RCOR1: variants seen among roughly 807,000 people sequenced by gnomAD.
RCOR1 encodes the protein REST corepressor.
In RCOR1, 12 loss-of-function variants were observed where a neutral mutation model predicts 64.0. The observed-to-expected ratio is 0.19, with a 90% CI of 0.12 to 0.30. The LOEUF is 0.30. Ranked by LOEUF, RCOR1 falls within the 10% of genes least tolerant of loss-of-function variation. RCOR1 has a pLI of 1.00. For synonymous variants in RCOR1, 279 were observed against 227.2 expected, an observed-to-expected ratio of 1.23 and a Z score of -2.05; for missense variants, 502 against 621.2, an observed-to-expected ratio of 0.81 and a Z score of 2.04.
intron 2 of RCOR1, among the ~76,000 whole-genome samples, chr14:102,594,495 T>C (rs1390980176): frequency 6.6e-6 from 1 of 152,142 alleles, no homozygotes; most frequent in African/African-American, 2.4e-5. Context: ...TACATAGAGG[T>C]CCTAGGTGAG....
intron 8 of RCOR1, among the ~76,000 whole-genome samples, chr14:102,718,584 G>A (rs1448386360): frequency 6.6e-6 from 1 of 152,090 alleles, no homozygotes; most frequent in Admixed American, 6.6e-5. Context: ...ACTGAGGGTT[G>A]GGTGGGAGGG....
rs138047669 is a variant in RCOR1 at position 102,728,067 on chromosome 14, T to A, written c.*1561T>A. ...TGCAATTAAAGTTTGATATGTTTTGTCTCCCAAGCACCTTGTTTTTTGTTG... is the reference window on the plus strand; with the variant it reads ...TGCAATTAAAGTTTGATATGTTTTGACTCCCAAGCACCTTGTTTTTTGTTG... On this transcript the variant is annotated 3_prime_UTR_variant, in exon 12 of 12. Coordinates refer to ENST00000262241, the MANE Select transcript of RCOR1 (RefSeq NM_015156.4). The A allele has an allele frequency of 0.01, 1,556 of 152,754 alleles. 16 individuals carry two copies. The highest frequency in any genetic ancestry group is 0.015 in the Admixed American group (235 of 15,294). The allele number at this position is 152,754 out of a possible 1,614,324, so 9.5% of individuals were successfully genotyped here. A position where few individuals can be genotyped will look rare whatever the true frequency, so the allele number is the denominator to read the frequency against.
intron 2 of RCOR1, among the ~76,000 whole-genome samples, chr14:102,654,242 C>T (rs977877011): frequency 9.2e-5 from 14 of 151,992 alleles, no homozygotes; most frequent in African/African-American, 3.4e-4. Flanking sequence ...CCGCCTCAGC[C>T]TCCCAAAGTG....
At chr14:102,726,318 C>A in intron 11 of RCOR1, 150 bp from the exon 12 acceptor site, 1 of 690,478 alleles carries the variant, frequency 1.4e-6, no homozygotes, top group Non-Finnish European at 2.4e-6. Flanking sequence ...AGAGTGAGAC[C>A]TGTCTCCCCT....
At position 102,592,718 on chromosome 14, in the gene RCOR1, G is replaced by A. The variant is rs1348806649; in HGVS notation, c.-169G>A. 8.2e-7 allele frequency: 1 copy of A among 1,225,858 alleles called. No individual in the cohort carries two copies. The highest frequency in any genetic ancestry group is 1.0e-6 in the Non-Finnish European group (1 of 984,244). The allele number at this position is 1,225,858 out of a possible 1,614,324, so 75.9% of individuals were successfully genotyped here. On this transcript the variant is annotated 5_prime_UTR_variant, in exon 1 of 12. Coordinates refer to ENST00000262241, the MANE Select transcript of RCOR1 (RefSeq NM_015156.4). ...CGGCTCGTCGCTGGGGGCTTGAAGC[G>A]GCTCCGCGCTCTGCCCGTTTGGGCC...
chr14:102,687,048 T>G (rs759718735), intron 3 of RCOR1, among the ~76,000 whole-genome samples: 1 of 152,266 alleles, frequency 6.6e-6, no homozygotes, highest in African/African-American at 2.4e-5. Flanking sequence ...GGTAACAAGT[T>G]CTGTCCAAAA....
chr14:102,709,231 A>G (rs1158012952), intron 6 of RCOR1, among the ~76,000 whole-genome samples: 1 of 152,178 alleles, frequency 6.6e-6, no homozygotes, highest in African/African-American at 2.4e-5. Flanking sequence ...ATTTTTTAAA[A>G]TGTGTAAAAT....
At chr14:102,624,680 C>T (rs1893946113) in intron 2 of RCOR1, among the ~76,000 whole-genome samples, 1 of 151,472 alleles carries the variant, frequency 6.6e-6, no homozygotes, top group African/African-American at 2.4e-5. Context: ...GTAGGAGGAA[C>T]ACTTGAGCCT....
At chr14:102,641,226 G>A (rs995130541) in intron 2 of RCOR1, among the ~76,000 whole-genome samples, 4 of 152,116 alleles carry the variant, frequency 2.6e-5, no homozygotes, top group African/African-American at 9.7e-5. Context: ...CTGCACTCCA[G>A]CCTTGCGGCA....
chr14:102,611,127 T>C lies in RCOR1; in HGVS notation c.361+17802T>C, dbSNP rs559726513. On this transcript the variant is annotated intron_variant, in intron 2 of 11. Transcript: ENST00000262241. ...TCTTGTTGCCCAGACTGGAGTGGAA[T>C]GGTGTGATCTTGGCTCACTGCAGCC... Among the ~76,000 whole-genome samples the C allele has an allele frequency of 1.1e-4, 16 of 152,246 alleles. 1 individual carries two copies. In the South Asian group the frequency reaches 3.3e-3, roughly 32 times the overall value.
chr14:102,599,107 AAATG>A (rs1893330395), intron 2 of RCOR1, among the ~76,000 whole-genome samples: 1 of 152,078 alleles, frequency 6.6e-6, no homozygotes, highest in Non-Finnish European at 1.5e-5. Flanking sequence ...ACTTATTTTG[AAATG>A]AATAATGTTT....
intron 2 of RCOR1, among the ~76,000 whole-genome samples, chr14:102,665,328 TTTAAATA>T (rs1567428146): frequency 6.7e-6 from 1 of 150,346 alleles, no homozygotes; most frequent in African/African-American, 2.5e-5. Context: ...TTTTTTTTTT[TTTAAATA>T]AAATAGGCTT....
At chr14:102,697,748 T>G (rs1357227101) in intron 3 of RCOR1, among the ~76,000 whole-genome samples, 1 of 148,888 alleles carries the variant, frequency 6.7e-6, no homozygotes, top group Non-Finnish European at 1.5e-5. Flanking sequence ...TTGGACAGGG[T>G]CTCGCTCTGT....
At chr14:102,603,169 T>G (rs1323170416) in intron 2 of RCOR1, among the ~76,000 whole-genome samples, 1 of 151,880 alleles carries the variant, frequency 6.6e-6, no homozygotes, top group Non-Finnish European at 1.5e-5. Context: ...AGCCTTGAAC[T>G]TCTAGGGCTC....
intron 2 of RCOR1, among the ~76,000 whole-genome samples, chr14:102,653,992 T>TGTTTC (rs1567423519): frequency 4.1e-5 from 5 of 120,592 alleles, no homozygotes; most frequent in African/African-American, 1.8e-4. Flanking sequence ...TCTTTTTTTT[T>TGTTTC]TTTTTTTTTT....
intron 2 of RCOR1, among the ~76,000 whole-genome samples, chr14:102,617,377 C>G (rs991333117): frequency 6.6e-6 from 1 of 152,116 alleles, no homozygotes; most frequent in Non-Finnish European, 1.5e-5. Flanking sequence ...TTCACACATT[C>G]CACTTGTGTA....
intron 2 of RCOR1, among the ~76,000 whole-genome samples, chr14:102,675,322 C>T (rs1441804054): frequency 6.6e-6 from 1 of 151,924 alleles, no homozygotes; most frequent in Non-Finnish European, 1.5e-5. Flanking sequence ...GTACTGAACC[C>T]TATATATATA....
chr14:102,662,438 T>C (rs1894842414), intron 2 of RCOR1: 1 of 554,058 alleles, frequency 1.8e-6, no homozygotes, highest in East Asian at 4.7e-5. Context: ...CTTGTTGTCC[T>C]CGCTCTTCTT....
At position 102,727,231 on chromosome 14, in the gene RCOR1, A is replaced by G. The variant is rs1896285012; in HGVS notation, c.*725A>G. The G allele has an allele frequency of 6.6e-6, 1 of 152,210 alleles. No homozygotes were observed. The highest frequency in any genetic ancestry group is 2.1e-4 in the South Asian group (1 of 4,814). 9.4% of individuals were successfully genotyped at this position (152,210 alleles called of 1,614,324 possible). Reference sequence around the variant, plus strand: ...GTGGACCTCAATGCTTTCTGCCTTCAACTTTTCAGCATTGTGACCCCAGGG... The same window carrying G: ...GTGGACCTCAATGCTTTCTGCCTTCGACTTTTCAGCATTGTGACCCCAGGG... On this transcript the variant is annotated 3_prime_UTR_variant, in exon 12 of 12. Transcript: ENST00000262241.
Sources: gnomAD v4.1 joint callset for allele counts (sites outside exome capture counted in the v4.1 genomes callset) on GRCh38, gnomAD v4.1.1 for gene constraint, MANE v1.5 for transcripts, NCBI Gene and HGNC (gene_info 2026-07-23, HGNC 2026-07-21) for gene names.